The following EIF4A2 variants were observed in gnomAD, a reference collection of about 807,000 sequenced individuals.
The protein encoded by EIF4A2 is eukaryotic initiation factor 4A-II.
A neutral mutation model predicts 50.6 loss-of-function variants in EIF4A2; 9 were observed. The observed-to-expected ratio is 0.18, with a 90% CI of 0.11 to 0.31. EIF4A2 has a LOEUF of 0.31. Among genes scored for constraint, EIF4A2 ranks in the 10% least tolerant of loss-of-function variants. EIF4A2 has a pLI of 1.00. For missense variants in EIF4A2, 182 were observed against 501.8 expected, an observed-to-expected ratio of 0.36 and a Z score of 6.09; for synonymous variants, 215 against 164.4, an observed-to-expected ratio of 1.31 and a Z score of -2.35.
At chr3:186,788,095 T>TC (rs1228862498) in intron 10 of EIF4A2, 22 of 705,618 alleles carry the variant, frequency 3.1e-5, no homozygotes, top group Non-Finnish European at 4.1e-5. Flanking sequence ...AGGGTTTTTT[T>TC]CCACAATTGT....
Position 186,787,784 on chromosome 3 carries a change from A to G in EIF4A2, c.1000-19A>G. 1 of 1,613,994 alleles carries G rather than the reference A, an allele frequency of 6.2e-7. No individual in the cohort carries two copies. Among genetic ancestry groups the G allele is most frequent in the Non-Finnish European group, 8.5e-7 (1 of 1,179,954 alleles). ...AAGTTTTTTTGAATCAATTTTTAAA[A>G]CATGCCATTGTGTTTCAGGCTCGCG... On this transcript the variant is annotated intron_variant, in intron 9 of 10. Coordinates refer to ENST00000323963, the MANE Select transcript of EIF4A2 (RefSeq NM_001967.4).
intron 10 of EIF4A2, 96 bp downstream of exon 10, chr3:186,787,978 A>G: frequency 7.8e-7 from 1 of 1,275,010 alleles, no homozygotes; most frequent in Non-Finnish European, 1.1e-6. Flanking sequence ...GAATAGATTC[A>G]GTAAAGTCAG....
intron 4 of EIF4A2, chr3:186,785,412 C>G: frequency 5.0e-6 from 2 of 399,622 alleles, no homozygotes; most frequent in Admixed American, 8.5e-5. Context: ...ATTTGACTGT[C>G]TCCGTAGTTC....
chr3:186,784,555 AACTT>A lies in EIF4A2; in HGVS notation c.76-6_76-3del, dbSNP rs1245735057. 3.1e-6 allele frequency: 5 copies of A among 1,614,028 alleles called. No homozygotes were observed. Among genetic ancestry groups the A allele is most frequent in the African/African-American group, 2.7e-5 (2 of 74,918 alleles). On this transcript the variant is annotated splice_region_variant and splice_polypyrimidine_tract_variant and intron_variant, in intron 2 of 10. Transcript: ENST00000323963. ...CATTTATGCGTGCATTATTTTTTCTAACTTACAGAGCAACTGGAATGAGATTGTT... is the reference window on the plus strand; with the variant it reads ...CATTTATGCGTGCATTATTTTTTCTAACAGAGCAACTGGAATGAGATTGTT...
Position 186,789,341 on chromosome 3 carries a change from C to T in EIF4A2, c.*72C>T. On this transcript the variant is annotated 3_prime_UTR_variant, in exon 11 of 11. Transcript: ENST00000323963. Reference sequence around the variant, plus strand: ...GGCGATCACAACGTGCATTGTGCTTCTTTCTTTGGGAATATTTGAATCTTG... The same window carrying T: ...GGCGATCACAACGTGCATTGTGCTTTTTTCTTTGGGAATATTTGAATCTTG... 6 of 1,517,490 alleles carry T rather than the reference C, an allele frequency of 4.0e-6. No individual in the cohort carries two copies. Among genetic ancestry groups the T allele is most frequent in the Non-Finnish European group, 5.3e-6 (6 of 1,130,930 alleles). 94.0% of individuals were successfully genotyped at this position (1,517,490 alleles called of 1,614,324 possible). A position where few individuals can be genotyped will look rare whatever the true frequency, so the allele number is the denominator to read the frequency against.
Position 186,788,519 on chromosome 3 carries a change from C to T in EIF4A2, c.1080-606C>T, listed in dbSNP as rs903106900. On this transcript the variant is annotated intron_variant, in intron 10 of 10. Coordinates refer to ENST00000323963, the MANE Select transcript of EIF4A2 (RefSeq NM_001967.4). ...TTAGTATTTCTATTAGGGAACCTTT[C>T]TTATTAGGTGGTTTGTATTGTCTGG... 7.0e-6 allele frequency: 7 copies of T among 995,318 alleles called. No individual in the cohort carries two copies. In the Admixed American group the frequency reaches 1.5e-4, roughly 21 times the overall value. 61.7% of individuals were successfully genotyped at this position (995,318 alleles called of 1,614,324 possible). A position where few individuals can be genotyped will look rare whatever the true frequency, so the allele number is the denominator to read the frequency against.
Position 186,789,305 on chromosome 3 carries a change from G to A in EIF4A2, c.*36G>A. 6.3e-7 allele frequency: 1 copy of A among 1,580,530 alleles called. No homozygotes were observed. On this transcript the variant is annotated 3_prime_UTR_variant, in exon 11 of 11. Transcript: ENST00000323963. ...GAGAGTTTTGGATGCAGTGCTCGCT[G>A]TTGCTGAATAGGCGATCACAACGTG...
Position 186,787,847 on chromosome 3 carries a change from T to C in EIF4A2, c.1044T>C (p.Tyr348=), listed in dbSNP as rs1190121157. 3 of 1,613,910 alleles carry C rather than the reference T, an allele frequency of 1.9e-6. No individual in the cohort carries two copies. The highest frequency in any genetic ancestry group is 2.2e-5 in the East Asian group (1 of 44,884). ...AACAAGTGTCTTTGGTTATAAATTA[T>C]GATCTACCTACCAATCGTGAAAACT... ...DVQQVSLVIN[Y]DLPTNRENYI... The change falls in exon 10 of 11, where the codon TAT becomes TAC. Residue 348 remains tyrosine, a synonymous_variant. Transcript: ENST00000323963.
chr3:186,786,995 T>C (rs1045305141), intron 7 of EIF4A2, 132 bp from the exon 8 acceptor site: 2 of 1,341,252 alleles, frequency 1.5e-6, no homozygotes, highest in Non-Finnish European at 2.1e-6. Context: ...GTTGGAACTC[T>C]GGGCTCTAAG....
intron 10 of EIF4A2, chr3:186,788,230 AGTT>A: frequency 8.4e-7 from 1 of 1,190,614 alleles, no homozygotes; most frequent in Non-Finnish European, 1.1e-6. Context: ...ACCCTGGTTT[AGTT>A]ATAGTGGCTT....
rs1374374521 is a variant in EIF4A2 at position 186,789,463 on chromosome 3, T to G, written c.*194T>G. 1 of 652,078 alleles carries G rather than the reference T, an allele frequency of 1.5e-6. No homozygotes were observed. The highest frequency in any genetic ancestry group is 1.9e-5 in the African/African-American group (1 of 52,982). The allele number at this position is 652,078 out of a possible 1,614,324, so 40.4% of individuals were successfully genotyped here. ...GGAAAGTCATTGGCTTTATCCTCTT[T>G]AGAGTTAGACTGTTGGGGTGGGTAT... On this transcript the variant is annotated 3_prime_UTR_variant, in exon 11 of 11. Transcript: ENST00000323963.
intron 10 of EIF4A2, chr3:186,788,887 CTCAAGATGCCTGATAAAA>C (rs1721951920): frequency 2.1e-6 from 1 of 485,862 alleles, no homozygotes; most frequent in African/African-American, 2.0e-5. Flanking sequence ...TATAATAATG[CTCAAGATGCCTGATAAAA>C]ATCTCATTTT....
chr3:186,787,428 A>G (rs1721801201), intron 8 of EIF4A2, 67 bp from the exon 9 acceptor site: 1 of 1,609,560 alleles, frequency 6.2e-7, no homozygotes, highest in Admixed American at 1.7e-5. Context: ...TTGGTCTCAT[A>G]CATGTTGATT....
At chr3:186,785,258 G>T in intron 4 of EIF4A2, 157 bp downstream of exon 4, 1 of 1,061,454 alleles carries the variant, frequency 9.4e-7, no homozygotes, top group South Asian at 1.6e-5. Context: ...AGTTTTAAAA[G>T]AACTGGGTAT....
In EIF4A2 at chr3:186,789,845, G is replaced by GT. The variant is rs1722011553; in HGVS notation, c.*576_*577insT. 1.4e-6 allele frequency: 1 copy of GT among 705,448 alleles called. No homozygotes were observed. The highest frequency in any genetic ancestry group is 2.7e-5 in the Admixed American group (1 of 37,298). 43.7% of individuals were successfully genotyped at this position (705,448 alleles called of 1,614,324 possible). A position where few individuals can be genotyped will look rare whatever the true frequency, so the allele number is the denominator to read the frequency against. On this transcript the variant is annotated 3_prime_UTR_variant, in exon 11 of 11. Transcript: ENST00000323963. ...TAATCCCCAGTAAAATTGCCATATTGCACATGTCTTAATGAAGTTTGAATG... is the reference window on the plus strand; with the variant it reads ...TAATCCCCAGTAAAATTGCCATATTGTCACATGTCTTAATGAAGTTTGAATG...
chr3:186,784,270 C>T (rs1171589038), intron 1 of EIF4A2, 162 bp from the exon 2 acceptor site: 4 of 1,054,326 alleles, frequency 3.8e-6, no homozygotes, highest in Non-Finnish European at 5.5e-6. Context: ...CAGGCCCCAA[C>T]CTTTAGGGAA....
rs779986953 is a variant in EIF4A2, at chr3:186,789,290, G to T, written c.*21G>T. The stretch of plus-strand genomic sequence containing the variant: ...TTTAATTCCTGGGATGAGAGTTTTG[G>T]ATGCAGTGCTCGCTGTTGCTGAATA... On this transcript the variant is annotated 3_prime_UTR_variant, in exon 11 of 11. Coordinates refer to ENST00000323963, the MANE Select transcript of EIF4A2 (RefSeq NM_001967.4). The T allele has an allele frequency of 6.5e-5, 104 of 1,598,240 alleles. 1 individual carries two copies. The highest frequency in any genetic ancestry group is 2.8e-4 in the South Asian group (25 of 89,390).
Position 186,785,800 on chromosome 3 carries a change from C to A in EIF4A2, c.349-83C>A, listed in dbSNP as rs1200514625. On this transcript the variant is annotated intron_variant, in intron 4 of 10. Coordinates refer to ENST00000323963, the MANE Select transcript of EIF4A2 (RefSeq NM_001967.4). ...GCATGCATAAAAGCTGTTGGCAGAC[C>A]AGATTATATTTGCCTTTATGCTTTA... 5.3e-6 allele frequency: 8 copies of A among 1,504,970 alleles called. No homozygotes were observed. In the Admixed American group the frequency reaches 1.4e-4, roughly 27 times the overall value. The allele number at this position is 1,504,970 out of a possible 1,614,324, so 93.2% of individuals were successfully genotyped here.
chr3:186,783,616 T>A lies in EIF4A2; in HGVS notation c.6T>A (p.Ser2=), dbSNP rs757773351. 3 of 1,614,026 alleles carry A rather than the reference T, an allele frequency of 1.9e-6. No individual in the cohort carries two copies. Among genetic ancestry groups the A allele is most frequent in the South Asian group, 1.1e-5 (1 of 91,080 alleles). The change falls in exon 1 of 11, where the codon TCT becomes TCA. Residue 2 remains serine (S), a synonymous_variant. Transcript: ENST00000323963. M[S]GGSADYNREH... ...GCTGAGTGGTTTTTCGGATCATGTCTGGTGGCTCCGCGGATTATAACAGGT... is the reference window on the plus strand; with the variant it reads ...GCTGAGTGGTTTTTCGGATCATGTCAGGTGGCTCCGCGGATTATAACAGGT...
Sources: allele counts gnomAD v4.1 joint callset, GRCh38; gene constraint gnomAD v4.1.1; transcripts MANE v1.5; gene names NCBI Gene and HGNC (gene_info 2026-07-23, HGNC 2026-07-21).